Variants in VSTM4 observed in about 807,000 individuals in gnomAD.
The protein encoded by VSTM4 is V-set and transmembrane domain-containing protein 4.
A neutral mutation model predicts 36.4 loss-of-function variants in VSTM4; 20 were observed. The ratio of observed to expected loss-of-function variants is 0.55; its 90% CI spans 0.39 to 0.80. VSTM4 has a LOEUF of 0.80. Ranked by LOEUF, VSTM4 falls within the 30% of genes least tolerant of loss-of-function variation. VSTM4 has a pLI of 0.00. For missense variants in VSTM4, 392 were observed against 404.5 expected (o/e 0.97, Z 0.26); for synonymous variants, 182 against 173.9 (o/e 1.05, Z -0.37).
chr10:49,088,936 C>T (rs12762834), intron 2 of VSTM4, among the ~76,000 whole-genome samples: 14,538 of 152,246 alleles, frequency 0.095, 939 homozygotes, highest in East Asian at 0.21. Context: ...CAGTGTCACC[C>T]GGGAGCTCCT....
chr10:49,026,802 A>G (rs770522237), intron 7 of VSTM4, among the ~76,000 whole-genome samples: 3 of 152,158 alleles, frequency 2.0e-5, no homozygotes, highest in Non-Finnish European at 2.9e-5. Flanking sequence ...TGGGTTCTCT[A>G]GCAATGAAGG....
chr10:49,103,626 G>T, intron 2 of VSTM4: 2 of 1,495,058 alleles, frequency 1.3e-6, no homozygotes, highest in Non-Finnish European at 8.9e-7. Flanking sequence ...ATATATCATC[G>T]CAAGTCACCC....
chr10:49,093,982 C>G (rs12772732), intron 2 of VSTM4, among the ~76,000 whole-genome samples: 1 of 151,954 alleles, frequency 6.6e-6, no homozygotes, highest in Non-Finnish European at 1.5e-5. Flanking sequence ...CTCCTGACCT[C>G]GCGATCCACC....
At chr10:49,057,743 G>A (rs577990355) in intron 5 of VSTM4, among the ~76,000 whole-genome samples, 39 of 152,266 alleles carry the variant, frequency 2.6e-4, no homozygotes, top group African/African-American at 7.9e-4. Flanking sequence ...CCGTCCCTGC[G>A]TCTACTGCCC....
intron 4 of VSTM4, among the ~76,000 whole-genome samples, chr10:49,074,244 A>G (rs1434033287): frequency 6.6e-6 from 1 of 152,250 alleles, no homozygotes. Flanking sequence ...TTAATTATAA[A>G]GCATTAAGTT....
chr10:49,103,966 C>A, intron 2 of VSTM4: 1 of 912,594 alleles, frequency 1.1e-6, no homozygotes. Flanking sequence ...TATTCTAACC[C>A]AAAGGTACGG....
At position 49,018,516 on chromosome 10, in the gene VSTM4, G is replaced by C. The variant is rs1267413353; in HGVS notation, c.*1134C>G. On this transcript the variant is annotated 3_prime_UTR_variant, in exon 8 of 8. Coordinates refer to ENST00000332853, the MANE Select transcript of VSTM4 (RefSeq NM_001031746.5). ...AGTCAAACAATTTCTATAGTGGGCAGTAAATAGCCACCCAGACTATACTCA... is the reference window on the plus strand; with the variant it reads ...AGTCAAACAATTTCTATAGTGGGCACTAAATAGCCACCCAGACTATACTCA... 6.6e-6 allele frequency: 1 copy of C among 152,168 alleles called. No individual in the cohort carries two copies. The highest frequency in any genetic ancestry group is 1.5e-5 in the Non-Finnish European group (1 of 68,042). 9.4% of individuals were successfully genotyped at this position (152,168 alleles called of 1,614,324 possible).
chr10:49,035,835 C>CA (rs902249839), intron 7 of VSTM4, among the ~76,000 whole-genome samples: 20 of 151,722 alleles, frequency 1.3e-4, no homozygotes, highest in South Asian at 4.2e-4. Flanking sequence ...GACTCTATAT[C>CA]AAAAAAAATA....
chr10:49,035,360 G>A (rs1843411468), intron 7 of VSTM4, among the ~76,000 whole-genome samples: 1 of 152,194 alleles, frequency 6.6e-6, no homozygotes, highest in African/African-American at 2.4e-5. Flanking sequence ...CATTAAACAG[G>A]AGAAGCACAT....
intron 3 of VSTM4, among the ~76,000 whole-genome samples, chr10:49,081,925 G>T (rs1411182232): frequency 6.6e-6 from 1 of 152,188 alleles, no homozygotes. Context: ...GTATGCCTAT[G>T]TTCCGAATTT....
At chr10:49,088,138 G>C (rs1590120353) in intron 2 of VSTM4, among the ~76,000 whole-genome samples, 1 of 152,078 alleles carries the variant, frequency 6.6e-6, no homozygotes, top group East Asian at 1.9e-4. Flanking sequence ...CAGGAGGAGG[G>C]CTTTGCTCTG....
chr10:49,052,338 T>C (rs1843711224), intron 5 of VSTM4, among the ~76,000 whole-genome samples: 1 of 152,186 alleles, frequency 6.6e-6, no homozygotes, highest in Admixed American at 6.5e-5. Flanking sequence ...TTGATTTGCA[T>C]TTCTCTGATT....
rs530020877 is a variant in VSTM4, at chr10:49,023,115, T to C, written c.838-3340A>G. Among the ~76,000 whole-genome samples, 305 of 152,298 alleles carry C rather than the reference T, an allele frequency of 2.0e-3. 1 individual carries two copies. Among genetic ancestry groups the C allele is most frequent in the African/African-American group, 6.8e-3 (281 of 41,560 alleles). On this transcript the variant is annotated intron_variant, in intron 7 of 7. Transcript: ENST00000332853. ...CTACAAGCAACAACCCACCATAAAA[T>C]GTGTAGAATCATTTCCCTTATGCAT...
At chr10:49,039,010 T>C (rs567537314) in intron 7 of VSTM4, among the ~76,000 whole-genome samples, 4 of 152,100 alleles carry the variant, frequency 2.6e-5, no homozygotes, top group Admixed American at 2.0e-4. Context: ...GGGCGGACCA[T>C]GAGGGGGCAT....
In VSTM4 at chr10:49,016,508, A is replaced by G. The variant is rs1435569380; in HGVS notation, c.*3142T>C. On this transcript the variant is annotated 3_prime_UTR_variant, in exon 8 of 8. Coordinates refer to ENST00000332853, the MANE Select transcript of VSTM4 (RefSeq NM_001031746.5). Reference sequence around the variant, plus strand: ...TAGGACCATTTCTGGCATGAGCTCCATTCTTGGCTCAGCCTAGGTTACAGT... The same window carrying G: ...TAGGACCATTTCTGGCATGAGCTCCGTTCTTGGCTCAGCCTAGGTTACAGT... 6.6e-6 allele frequency: 1 copy of G among 152,206 alleles called. No homozygotes were observed. The highest frequency in any genetic ancestry group is 1.5e-5 in the Non-Finnish European group (1 of 68,040). The allele number at this position is 152,206 out of a possible 1,614,324, so 9.4% of individuals were successfully genotyped here.
chr10:49,063,316 C>T (rs909734848), intron 5 of VSTM4, among the ~76,000 whole-genome samples: 4 of 152,126 alleles, frequency 2.6e-5, no homozygotes, highest in Admixed American at 2.6e-4. Flanking sequence ...GCCTGGGCAA[C>T]AAGAGTGAAA....
intron 7 of VSTM4, among the ~76,000 whole-genome samples, chr10:49,025,308 G>C (rs561396139): frequency 6.6e-6 from 1 of 152,300 alleles, no homozygotes; most frequent in East Asian, 1.9e-4. Flanking sequence ...TCCTGAAGGG[G>C]AGATGAGAAG....
In VSTM4 at chr10:49,107,958, C is replaced by T. The variant is rs748614859; in HGVS notation, c.93G>A (p.Gly31=). ...CCCCCTCCAGGTAGTCAACCACGGGCCCCGGGGACACAGTGACATTGAGGG... is the reference window on the plus strand; with the variant it reads ...CCCCCTCCAGGTAGTCAACCACGGGTCCCGGGGACACAGTGACATTGAGGG... ...CAALNVTVSP[G]PVVDYLEGEN... Residue 31 remains glycine, a synonymous_variant, in exon 2 of 8, where the codon GGG becomes GGA. Coordinates refer to ENST00000332853, the MANE Select transcript of VSTM4 (RefSeq NM_001031746.5). The T allele has an allele frequency of 6.2e-7, 1 of 1,601,600 alleles. No individual in the cohort carries two copies.
chr10:49,111,271 A>G (rs915468220), intron 1 of VSTM4, among the ~76,000 whole-genome samples: 35 of 152,182 alleles, frequency 2.3e-4, no homozygotes, highest in Non-Finnish European at 4.4e-4. Context: ...GTAGTCCGTT[A>G]TCTTCCCCCG....
Sources: gnomAD v4.1 joint callset for allele counts (sites outside exome capture counted in the v4.1 genomes callset) on GRCh38, gnomAD v4.1.1 for gene constraint, MANE v1.5 for transcripts, NCBI Gene and HGNC (gene_info 2026-07-23, HGNC 2026-07-21) for gene names.